The following SYNE3 variants were observed in gnomAD, a reference collection of about 807,000 sequenced individuals.
The protein encoded by SYNE3 is spectrin repeat containing nuclear envelope family member 3.
SYNE3 carries 100 observed loss-of-function variants against 111.2 expected under a neutral mutation model. That is an observed-to-expected ratio of 0.90 (90% CI 0.77 to 1.06). The LOEUF (loss-of-function observed/expected upper bound fraction) is 1.06. SYNE3 is among the 50% of genes least tolerant of loss of function. The pLI is 0.00. For missense variants in SYNE3, 1,160 were observed against 1,240.3 expected (o/e 0.94, Z 0.97); for synonymous variants, 547 against 533.9 (o/e 1.02, Z -0.34).
intron 2 of SYNE3, among the ~76,000 whole-genome samples, chr14:95,469,554 A>G (rs959991906): frequency 8.1e-4 from 115 of 141,172 alleles, no homozygotes; most frequent in African/African-American, 2.9e-3. Flanking sequence ...AAAAAAAAAA[A>G]TTAAAAATTA....
chr14:95,461,834 T>C (rs1317298681), intron 4 of SYNE3, among the ~76,000 whole-genome samples: 6 of 152,216 alleles, frequency 3.9e-5, no homozygotes, highest in African/African-American at 7.2e-5. Flanking sequence ...GAGCAGGGAC[T>C]GGGAGGCTGG....
In SYNE3 at chr14:95,466,233, C is replaced by T. The variant is rs774793672; in HGVS notation, c.325G>A (p.Glu109Lys). 3.8e-6 allele frequency: 6 copies of T among 1,568,170 alleles called. No individual in the cohort carries two copies. The African/African-American group carries it at 4.0e-5, about 11-fold the overall frequency. Reference protein sequence around the residue: ...TYMTHCHSRIEWVWLHWSEYL... With the variant: ...TYMTHCHSRIKWVWLHWSEYL... ...TCGCTCCAGTGCAGCCACACCCACTCGATGCGGCTGTGGGCACAGAGACCT... is the reference window on the plus strand; with the variant it reads ...TCGCTCCAGTGCAGCCACACCCACTTGATGCGGCTGTGGGCACAGAGACCT... The change falls in exon 4 of 18, where the codon GAG becomes AAG. Residue 109 changes from glutamate (E) to lysine (K), a missense_variant. Transcript: ENST00000682763.
At chr14:95,447,252 G>A in intron 8 of SYNE3, among the ~76,000 whole-genome samples, 1 of 151,316 alleles carries the variant, frequency 6.6e-6, no homozygotes, top group Non-Finnish European at 1.5e-5. Flanking sequence ...TCCTGCCTCA[G>A]CCTCCCGAGT....
At chr14:95,492,273 A>G (rs571068821) in intron 1 of SYNE3, among the ~76,000 whole-genome samples, 24 of 152,346 alleles carry the variant, frequency 1.6e-4, no homozygotes, top group South Asian at 1.4e-3. Flanking sequence ...CTACTCTTAC[A>G]TATATACTCA....
At chr14:95,423,096 G>A (rs921174100) in intron 17 of SYNE3, among the ~76,000 whole-genome samples, 1 of 152,230 alleles carries the variant, frequency 6.6e-6, no homozygotes, top group African/African-American at 2.4e-5. Flanking sequence ...CAGGGGGCTG[G>A]GTTCGTCTTG....
chr14:95,475,741 C>T lies in SYNE3; in HGVS notation c.81G>A (p.Leu27=), dbSNP rs1241625109. 3 of 1,607,902 alleles carry T rather than the reference C, an allele frequency of 1.9e-6. No homozygotes were observed. Among genetic ancestry groups the T allele is most frequent in the African/African-American group, 2.7e-5 (2 of 74,724 alleles). The change falls in exon 2 of 18, where the codon CTG becomes CTA. Residue 27 remains leucine (L), a synonymous_variant. Coordinates refer to ENST00000682763, the MANE Select transcript of SYNE3 (RefSeq NM_152592.6). ...QAWMKAVQDQ[L]QVNDNTQGPR... The stretch of plus-strand genomic sequence containing the variant: ...GTCCCTGCGTGTTGTCATTGACCTG[C>T]AGCTGGTCCTGCACAGCCTTCATCC...
intron 17 of SYNE3, among the ~76,000 whole-genome samples, chr14:95,422,904 T>G (rs1212183): frequency 6.6e-6 from 1 of 152,090 alleles, no homozygotes; most frequent in Admixed American, 6.5e-5. Flanking sequence ...GCTCTGGCAG[T>G]GCCAGCAGGT....
chr14:95,469,127 C>T (rs761781998), intron 2 of SYNE3, among the ~76,000 whole-genome samples: 7 of 152,170 alleles, frequency 4.6e-5, no homozygotes, highest in Non-Finnish European at 1.0e-4. Flanking sequence ...TTACTAACAG[C>T]AGGCATGGCC....
At chr14:95,491,031 A>G (rs1432060767) in intron 1 of SYNE3, among the ~76,000 whole-genome samples, 3 of 152,110 alleles carry the variant, frequency 2.0e-5, no homozygotes, top group Non-Finnish European at 4.4e-5. Flanking sequence ...CAATAAATAC[A>G]CACAACATCA....
At chr14:95,509,818 G>A (rs1357499049) in intron 1 of SYNE3, among the ~76,000 whole-genome samples, 1 of 152,196 alleles carries the variant, frequency 6.6e-6, no homozygotes, top group Non-Finnish European at 1.5e-5. Context: ...CTGAAAGCCT[G>A]CCATTTCATT....
At chr14:95,496,102 G>C (rs952511586) in intron 1 of SYNE3, among the ~76,000 whole-genome samples, 10 of 152,230 alleles carry the variant, frequency 6.6e-5, no homozygotes, top group Admixed American at 5.2e-4. Context: ...CAGAGAGTCA[G>C]GTTGTGGTCG....
chr14:95,485,711 T>C lies in SYNE3; in HGVS notation c.-14-9876A>G, dbSNP rs73343119. ...ACAGGCTCAGCTCAGATGGCTCCTCTTCCAGAAAGCCTTCCCTGAATGACT... is the reference window on the plus strand; with the variant it reads ...ACAGGCTCAGCTCAGATGGCTCCTCCTCCAGAAAGCCTTCCCTGAATGACT... On this transcript the variant is annotated intron_variant, in intron 1 of 17. Transcript: ENST00000682763. The surrounding 1 kb of genome is among the most constrained non-coding windows in gnomAD (Gnocchi z 4.3). Among the ~76,000 whole-genome samples the C allele has an allele frequency of 0.063, 9,648 of 152,166 alleles. 532 individuals are homozygous for C. The highest frequency in any genetic ancestry group is 0.15 in the African/African-American group (6,293 of 41,478).
chr14:95,481,753 G>A (rs372022506), intron 1 of SYNE3, among the ~76,000 whole-genome samples: 45 of 152,342 alleles, frequency 3.0e-4, no homozygotes, highest in East Asian at 1.3e-3. Context: ...GTGGTCCATC[G>A]GGTAACTGTG....
chr14:95,472,616 C>T (rs558556097), intron 2 of SYNE3, among the ~76,000 whole-genome samples: 1 of 152,302 alleles, frequency 6.6e-6, no homozygotes, highest in East Asian at 1.9e-4. Context: ...AAGGCAGCAG[C>T]TATCACTCTC....
intron 17 of SYNE3, among the ~76,000 whole-genome samples, chr14:95,431,684 G>A (rs574141195): frequency 6.6e-6 from 1 of 152,266 alleles, no homozygotes; most frequent in South Asian, 2.1e-4. Context: ...CACCAGGGTG[G>A]CCACACCGTC....
At position 95,475,690 on chromosome 14, in the gene SYNE3, C is replaced by T. The variant is rs372857076; in HGVS notation, c.132G>A (p.Leu44=). 221 of 1,576,226 alleles carry T rather than the reference C, an allele frequency of 1.4e-4. No individual in the cohort carries two copies. The highest frequency in any genetic ancestry group is 1.6e-4 in the Non-Finnish European group (186 of 1,163,560). The part of the protein sequence containing the change: ...QGPRAALEAR[L]WETEKICQLE... ...CGCCTCTGCATACCTCGGTCTCCCA[C>T]AGCCTGGCCTCCAGGGCCGCGCGGG... Residue 44 remains leucine (L), a synonymous_variant, in exon 2 of 18, where the codon CTG becomes CTA. Coordinates refer to ENST00000682763, the MANE Select transcript of SYNE3 (RefSeq NM_152592.6).
Position 95,434,944 on chromosome 14 carries a change from G to A in SYNE3, c.2539-1535C>T, listed in dbSNP as rs761098054. 5.8e-4 allele frequency among the ~76,000 whole-genome samples: 88 copies of A among 152,332 alleles called. 1 individual carries two copies. Among genetic ancestry groups the A allele is most frequent in the African/African-American group, 1.9e-3 (78 of 41,580 alleles). On this transcript the variant is annotated intron_variant, in intron 15 of 17. Transcript: ENST00000682763. ...GCGGGGATTACAGGCGTGAGCCACC[G>A]TGCCCTGCCTATCCTAAATCTTAAA... is the stretch of plus-strand genomic sequence containing the variant.
Position 95,444,476 on chromosome 14 carries a change from A to G in SYNE3, c.1776+9T>C, listed in dbSNP as rs758257602. On this transcript the variant is annotated intron_variant, in intron 10 of 17. Coordinates refer to ENST00000682763, the MANE Select transcript of SYNE3 (RefSeq NM_152592.6). Reference sequence around the variant, plus strand: ...GGCAGGAGTGATTCAGGCCTCACAGACCCCTCACCTGCAACCTTGAGAGCT... The same window carrying G: ...GGCAGGAGTGATTCAGGCCTCACAGGCCCCTCACCTGCAACCTTGAGAGCT... The G allele has an allele frequency of 7.5e-6, 12 of 1,601,904 alleles. No individual in the cohort carries two copies. Among genetic ancestry groups the G allele is most frequent in the Non-Finnish European group, 1.0e-5 (12 of 1,172,776 alleles).
intron 1 of SYNE3, among the ~76,000 whole-genome samples, chr14:95,480,278 C>T (rs1315033440): frequency 1.3e-5 from 2 of 152,218 alleles, no homozygotes; most frequent in African/African-American, 2.4e-5. Flanking sequence ...CATGAGAGTG[C>T]TGACCCTTTC....
Sources: gnomAD v4.1 joint callset for allele counts (sites outside exome capture counted in the v4.1 genomes callset) on GRCh38, gnomAD v4.1.1 for gene constraint, Gnocchi (gnomAD v3.1) non-coding constraint, MANE v1.5 for transcripts, NCBI Gene and HGNC (gene_info 2026-07-23, HGNC 2026-07-21) for gene names.